Variants in GLRA3 observed in about 807,000 individuals in gnomAD.
The protein encoded by GLRA3 is glycine receptor subunit alpha-3.
Under a neutral mutation model 60.4 loss-of-function variants are expected in GLRA3, and 44 were observed. That is an observed-to-expected ratio of 0.73 (90% CI 0.57 to 0.94). GLRA3 has a LOEUF of 0.94. Among genes scored for constraint, GLRA3 ranks in the 40% least tolerant of loss-of-function variants. The pLI is 0.00. For synonymous variants in GLRA3, 223 were observed against 192.9 expected (o/e 1.16, Z -1.29); for missense variants, 508 against 564.6 (o/e 0.90, Z 1.02).
chr4:174,806,844 T>C (rs1469778268), intron 1 of GLRA3, among the ~76,000 whole-genome samples: 2 of 152,002 alleles, frequency 1.3e-5, no homozygotes, highest in African/African-American at 4.8e-5. Context: ...ACAAAACACA[T>C]ATTCTTATAT....
At chr4:174,651,758 T>G (rs1224833260) in intron 9 of GLRA3, among the ~76,000 whole-genome samples, 1 of 152,186 alleles carries the variant, frequency 6.6e-6, no homozygotes, top group Non-Finnish European at 1.5e-5. Flanking sequence ...TTTTGCCATG[T>G]GACTGCTAGA....
At chr4:174,654,580 T>C (rs1733129566) in intron 9 of GLRA3, among the ~76,000 whole-genome samples, 1 of 152,170 alleles carries the variant, frequency 6.6e-6, no homozygotes, top group South Asian at 2.1e-4. Flanking sequence ...GCCTATGTTT[T>C]CTTGCAGCAA....
At chr4:174,771,236 G>T (rs1262316733) in intron 2 of GLRA3, among the ~76,000 whole-genome samples, 2 of 151,694 alleles carry the variant, frequency 1.3e-5, no homozygotes, top group East Asian at 1.9e-4. Context: ...GTATAATAAT[G>T]ATAAAATAAA....
chr4:174,791,652 A>G (rs1264040323), intron 1 of GLRA3, among the ~76,000 whole-genome samples: 2 of 152,128 alleles, frequency 1.3e-5, no homozygotes, highest in South Asian at 2.1e-4. Context: ...TGCTTAAAAT[A>G]GTTGATTTGA....
At chr4:174,813,907 G>A (rs541589864) in intron 1 of GLRA3, among the ~76,000 whole-genome samples, 8 of 152,218 alleles carry the variant, frequency 5.3e-5, no homozygotes, top group South Asian at 2.1e-4. Flanking sequence ...ATGCCTTGGC[G>A]GGACTCACAA....
rs147114432 is a variant in GLRA3 at position 174,643,358 on chromosome 4, T to A, written c.*428A>T. The A allele has an allele frequency of 0.018, 6,615 of 371,350 alleles. 48 individuals are homozygous for A. The highest frequency in any genetic ancestry group is 0.03 in the South Asian group (201 of 6,750). The allele number at this position is 371,350 out of a possible 1,614,324, so 23.0% of individuals were successfully genotyped here. A position where few individuals can be genotyped will look rare whatever the true frequency, so the allele number is the denominator to read the frequency against. On this transcript the variant is annotated 3_prime_UTR_variant, in exon 10 of 10. Transcript: ENST00000274093. ...TTATTTTCCCATTTTGTAACTATACTATAAGAAAATAGTTTTAAATCTCAA... is the reference window on the plus strand; with the variant it reads ...TTATTTTCCCATTTTGTAACTATACAATAAGAAAATAGTTTTAAATCTCAA...
rs115626520 is a variant in GLRA3 at position 174,786,401 on chromosome 4, A to T, written c.199+2415T>A. 6.3e-3 allele frequency among the ~76,000 whole-genome samples: 963 copies of T among 152,148 alleles called. 7 individuals carry two copies. Among genetic ancestry groups the T allele is most frequent in the African/African-American group, 0.022 (912 of 41,524 alleles). On this transcript the variant is annotated intron_variant, in intron 2 of 9. Transcript: ENST00000274093. ...GATGAGCTTATTTTTGCCTGAGGTG[A>T]GGTGGGCCCCTAGGTACATGACGAC...
At chr4:174,776,217 T>C (rs770202991) in intron 2 of GLRA3, among the ~76,000 whole-genome samples, 1 of 152,158 alleles carries the variant, frequency 6.6e-6, no homozygotes, top group Non-Finnish European at 1.5e-5. Context: ...TATTTCACCA[T>C]CTGCAGGACC....
At chr4:174,688,058 T>C (rs977901880) in intron 5 of GLRA3, among the ~76,000 whole-genome samples, 9 of 151,726 alleles carry the variant, frequency 5.9e-5, no homozygotes, top group African/African-American at 2.2e-4. Context: ...GGATTATAAG[T>C]CAGAGGTAAC....
intron 1 of GLRA3, among the ~76,000 whole-genome samples, chr4:174,826,215 G>T (rs1462117361): frequency 2.0e-5 from 3 of 152,080 alleles, no homozygotes; most frequent in African/African-American, 7.2e-5. Context: ...AGTTAATTTT[G>T]ATGTATTCAT....
chr4:174,798,899 C>G (rs113530386), intron 1 of GLRA3, among the ~76,000 whole-genome samples: 2 of 149,866 alleles, frequency 1.3e-5, no homozygotes, highest in Admixed American at 6.7e-5. Context: ...CCAGCCTGGG[C>G]GACAGAGGGA....
Position 174,693,618 on chromosome 4 carries a change from G to T in GLRA3, c.575-10679C>A, listed in dbSNP as rs561097991. Among the ~76,000 whole-genome samples, 4 of 152,230 alleles carry T rather than the reference G, an allele frequency of 2.6e-5. No homozygotes were observed. The South Asian group carries it at 8.3e-4, about 32-fold the overall frequency. On this transcript the variant is annotated intron_variant, in intron 5 of 9. Transcript: ENST00000274093. ...ATGCCTCTATATTTTGCTTAGGATT[G>T]CCTTGGCTATTCAGGCTCCTCCTTG...
intron 5 of GLRA3, among the ~76,000 whole-genome samples, chr4:174,700,235 T>C (rs570400002): frequency 5.3e-5 from 8 of 152,334 alleles, no homozygotes; most frequent in Non-Finnish European, 8.8e-5. Flanking sequence ...CTTTTCTTTA[T>C]TGTGCTTTGT....
intron 3 of GLRA3, among the ~76,000 whole-genome samples, chr4:174,745,569 T>C (rs1168333475): frequency 6.6e-6 from 1 of 152,134 alleles, no homozygotes; most frequent in Non-Finnish European, 1.5e-5. Flanking sequence ...AAAAGGACAT[T>C]GGTCTTGGCA....
chr4:174,784,771 AAT>A (rs758103292), intron 2 of GLRA3, among the ~76,000 whole-genome samples: 1 of 152,272 alleles, frequency 6.6e-6, no homozygotes, highest in Non-Finnish European at 1.5e-5. Flanking sequence ...CCTTTTAAAT[AAT>A]AGTTTTTAAA....
chr4:174,828,643 T>A, intron 1 of GLRA3, 98 bp downstream of exon 1: 1 of 756,910 alleles, frequency 1.3e-6, no homozygotes, highest in Non-Finnish European at 2.4e-6. Flanking sequence ...CAAGTCAATA[T>A]AGAATTGCAA....
chr4:174,726,503 T>G (rs1202774088), intron 4 of GLRA3, among the ~76,000 whole-genome samples: 1 of 152,214 alleles, frequency 6.6e-6, no homozygotes, highest in Non-Finnish European at 1.5e-5. Flanking sequence ...TTTCCTAACC[T>G]CTAGGGAATA....
intron 7 of GLRA3, among the ~76,000 whole-genome samples, chr4:174,662,916 G>A (rs912848429): frequency 4.0e-5 from 6 of 148,738 alleles, no homozygotes; most frequent in African/African-American, 1.2e-4. Flanking sequence ...TCACATCAGC[G>A]TTTGTCACAT....
Position 174,825,040 on chromosome 4 carries a change from C to G in GLRA3, c.71+3701G>C, listed in dbSNP as rs565311528. ...ACTATATAGAAGAGGAAATATTTTTCAAGATGTTCTTTCAATTGGCAGGGC... is the reference window on the plus strand; with the variant it reads ...ACTATATAGAAGAGGAAATATTTTTGAAGATGTTCTTTCAATTGGCAGGGC... On this transcript the variant is annotated intron_variant, in intron 1 of 9. Coordinates refer to ENST00000274093, the MANE Select transcript of GLRA3 (RefSeq NM_006529.4). Among the ~76,000 whole-genome samples, 36 of 152,120 alleles carry G rather than the reference C, an allele frequency of 2.4e-4. No homozygotes were observed. In the East Asian group the frequency reaches 5.2e-3, roughly 22 times the overall value.
Sources: gnomAD v4.1 joint callset for allele counts (sites outside exome capture counted in the v4.1 genomes callset) on GRCh38, gnomAD v4.1.1 for gene constraint, MANE v1.5 for transcripts, NCBI Gene and HGNC (gene_info 2026-07-23, HGNC 2026-07-21) for gene names.